CLCC1: variants seen among roughly 807,000 people sequenced by gnomAD.
CLCC1 encodes the protein chloride channel CLIC-like protein 1.
CLCC1 carries 39 observed loss-of-function variants against 63.3 expected under a neutral mutation model. The ratio of observed to expected loss-of-function variants is 0.62; its 90% CI spans 0.48 to 0.81. The LOEUF (loss-of-function observed/expected upper bound fraction) is 0.81, where lower values mean the gene tolerates loss of function less well. CLCC1 is among the 30% of genes least tolerant of loss of function. The probability of loss-of-function intolerance (pLI) is 0.00; values close to 1 mark genes in which losing one functional copy is unlikely to be tolerated. For missense variants in CLCC1, 549 were observed against 669.4 expected, an observed-to-expected ratio of 0.82 and a Z score of 1.98; for synonymous variants, 217 against 239.8, an observed-to-expected ratio of 0.90 and a Z score of 0.88.
At chr1:108,948,211 T>C (rs1654782741) in intron 4 of CLCC1, among the ~76,000 whole-genome samples, 1 of 152,192 alleles carries the variant, frequency 6.6e-6, no homozygotes, top group Non-Finnish European at 1.5e-5. Context: ...CATATGACTT[T>C]TGGCCTTTTA....
At position 108,943,589 on chromosome 1, in the gene CLCC1, C is replaced by A. The variant is rs1264347311; in HGVS notation, c.588G>T (p.Val196=). The change falls in exon 7 of 13, where the codon GTG becomes GTT. Residue 196 remains valine (V), a synonymous_variant. Transcript: ENST00000369969. ...TCCACAGCTCAGTAGCCACTAAAAC[C>A]ACGATGCAGAGCAGACAAAGAAGTA... The part of the protein sequence containing the change: ...LMVLLCLLCI[V]VLVATELWTY... 6.2e-7 allele frequency: 1 copy of A among 1,612,070 alleles called. No individual in the cohort carries two copies. The highest frequency in any genetic ancestry group is 2.2e-5 in the East Asian group (1 of 44,824).
Position 108,935,080 on chromosome 1 carries a change from A to ATAAT in CLCC1, c.1384-142_1384-139dup, listed in dbSNP as rs1652687720. ...CAAATCCAGGGTCCAGTGCTGGGTT[A>ATAAT]TAATTATATAAATGTTATTATACCT... On this transcript the variant is annotated intron_variant, in intron 11 of 12. Coordinates refer to ENST00000369969, the MANE Select transcript of CLCC1 (RefSeq NM_001377458.1). 4 of 785,694 alleles carry ATAAT rather than the reference A, an allele frequency of 5.1e-6. 1 individual carries two copies. In the South Asian group the frequency reaches 7.7e-5, roughly 15 times the overall value. 48.7% of individuals were successfully genotyped at this position (785,694 alleles called of 1,614,324 possible).
At chr1:108,955,308 TG>T (rs1655744506) in intron 2 of CLCC1, among the ~76,000 whole-genome samples, 1 of 151,244 alleles carries the variant, frequency 6.6e-6, no homozygotes, top group Non-Finnish European at 1.5e-5. Flanking sequence ...AGCAAGACAG[TG>T]GTACATATGG....
chr1:108,931,624 C>T lies in CLCC1; in HGVS notation c.*923G>A. On this transcript the variant is annotated 3_prime_UTR_variant, in exon 13 of 13. Coordinates refer to ENST00000369969, the MANE Select transcript of CLCC1 (RefSeq NM_001377458.1). Reference sequence around the variant, plus strand: ...CCTGGAATTAATTACATTAAGTGCTCAGCTAAAAAAAAAAAAAAAGTTCTA... The same window carrying T: ...CCTGGAATTAATTACATTAAGTGCTTAGCTAAAAAAAAAAAAAAAGTTCTA... 1.9e-6 allele frequency: 2 copies of T among 1,045,580 alleles called. No individual in the cohort carries two copies. The highest frequency in any genetic ancestry group is 1.2e-6 in the Non-Finnish European group (1 of 801,272). 64.8% of individuals were successfully genotyped at this position (1,045,580 alleles called of 1,614,324 possible).
At chr1:108,939,960 C>A in intron 9 of CLCC1, 85 bp downstream of exon 9, 1 of 1,297,432 alleles carries the variant, frequency 7.7e-7, no homozygotes, top group Non-Finnish European at 1.1e-6. Context: ...CGCTTATTAG[C>A]AAAATGACTC....
chr1:108,937,559 C>G, intron 10 of CLCC1, 141 bp from the exon 11 acceptor site: 1 of 718,944 alleles, frequency 1.4e-6, no homozygotes, highest in South Asian at 2.5e-5. Flanking sequence ...GTTAATTTGA[C>G]TTTTTTTCAT....
chr1:108,937,930 A>AC (rs1653258001), intron 10 of CLCC1, among the ~76,000 whole-genome samples: 1 of 151,970 alleles, frequency 6.6e-6, no homozygotes, highest in African/African-American at 2.4e-5. Context: ...TGGCCCAGGG[A>AC]CCCCCGGGGG....
intron 2 of CLCC1, among the ~76,000 whole-genome samples, chr1:108,955,887 T>C (rs1280950350): frequency 3.3e-5 from 5 of 151,504 alleles, no homozygotes; most frequent in South Asian, 2.1e-4. Context: ...AATTACACCA[T>C]AGGCTTCCCT....
At chr1:108,949,134 A>G (rs1366860791) in intron 4 of CLCC1, among the ~76,000 whole-genome samples, 1 of 152,118 alleles carries the variant, frequency 6.6e-6, no homozygotes, top group Non-Finnish European at 1.5e-5. Flanking sequence ...TCTTCAACCC[A>G]TCACTGCCTC....
At chr1:108,949,752 C>T (rs1272883886) in intron 4 of CLCC1, 68 bp downstream of exon 4, 36 of 794,742 alleles carry the variant, frequency 4.5e-5, no homozygotes, top group Non-Finnish European at 7.7e-6. Flanking sequence ...AATTTATCAG[C>T]AGAGACAAGA....
rs1367485545 is a variant in CLCC1 at position 108,929,602 on chromosome 1, G to C, written c.*2945C>G. 1 of 1,100,634 alleles carries C rather than the reference G, an allele frequency of 9.1e-7. No homozygotes were observed. The highest frequency in any genetic ancestry group is 1.4e-6 in the Non-Finnish European group (1 of 720,990). The allele number at this position is 1,100,634 out of a possible 1,614,324, so 68.2% of individuals were successfully genotyped here. A position where few individuals can be genotyped will look rare whatever the true frequency, so the allele number is the denominator to read the frequency against. On this transcript the variant is annotated 3_prime_UTR_variant, in exon 13 of 13. Transcript: ENST00000369969. ...AATTTCTGAGAAGCCCCAAATAAAA[G>C]TTTACAACTGCGTTTTCTTGTTGTG...
intron 5 of CLCC1, among the ~76,000 whole-genome samples, chr1:108,944,789 C>T (rs1412869301): frequency 6.6e-6 from 1 of 152,136 alleles, no homozygotes; most frequent in Non-Finnish European, 1.5e-5. Context: ...GCCACTACGC[C>T]TGGCTAATTT....
intron 2 of CLCC1, among the ~76,000 whole-genome samples, chr1:108,951,087 A>T (rs775348282): frequency 6.6e-6 from 1 of 152,198 alleles, no homozygotes; most frequent in Non-Finnish European, 1.5e-5. Flanking sequence ...TTTTCGTAAT[A>T]GCCAAAAGGT....
chr1:108,938,003 T>G (rs1479196166), intron 10 of CLCC1, among the ~76,000 whole-genome samples: 1 of 152,156 alleles, frequency 6.6e-6, no homozygotes, highest in Non-Finnish European at 1.5e-5. Context: ...GACATTATTA[T>G]TTGTCTTTTT....
chr1:108,950,007 T>C (rs1003940856), intron 3 of CLCC1, 86 bp from the exon 4 acceptor site: 1 of 835,434 alleles, frequency 1.2e-6, no homozygotes, highest in Non-Finnish European at 1.9e-6. Flanking sequence ...GATTCTGACT[T>C]CATCATTTCA....
chr1:108,958,533 TGTC>T (rs1656213855), intron 2 of CLCC1, among the ~76,000 whole-genome samples: 2 of 151,534 alleles, frequency 1.3e-5, no homozygotes, highest in Non-Finnish European at 2.9e-5. Context: ...AATTCAGATA[TGTC>T]AAAGAGAAGC....
chr1:108,946,633 G>A (rs112481535), intron 5 of CLCC1, among the ~76,000 whole-genome samples: 21 of 152,166 alleles, frequency 1.4e-4, no homozygotes, highest in African/African-American at 4.6e-4. Context: ...CTGGCAGGTG[G>A]GGCTAATGGC....
chr1:108,931,627 CT>C lies in CLCC1; in HGVS notation c.*919del. 1 of 1,011,696 alleles carries C rather than the reference CT, an allele frequency of 9.9e-7. No homozygotes were observed. The highest frequency in any genetic ancestry group is 1.3e-6 in the Non-Finnish European group (1 of 786,370). 62.7% of individuals were successfully genotyped at this position (1,011,696 alleles called of 1,614,324 possible). A position where few individuals can be genotyped will look rare whatever the true frequency, so the allele number is the denominator to read the frequency against. ...GGAATTAATTACATTAAGTGCTCAG[CT>C]AAAAAAAAAAAAAAAGTTCTAAATT... On this transcript the variant is annotated 3_prime_UTR_variant, in exon 13 of 13. Coordinates refer to ENST00000369969, the MANE Select transcript of CLCC1 (RefSeq NM_001377458.1).
In CLCC1 at chr1:108,931,628, TA is replaced by T. The variant is rs71593448; in HGVS notation, c.*918del. 138,898 of 796,108 alleles carry T rather than the reference TA, an allele frequency of 0.17. 1 individual carries two copies. Among genetic ancestry groups the T allele is most frequent in the East Asian group, 0.28 (8,080 of 28,664 alleles). The allele number at this position is 796,108 out of a possible 1,614,324, so 49.3% of individuals were successfully genotyped here. ...GAATTAATTACATTAAGTGCTCAGC[TA>T]AAAAAAAAAAAAAAGTTCTAAATTA... is the stretch of plus-strand genomic sequence containing the variant. On this transcript the variant is annotated 3_prime_UTR_variant, in exon 13 of 13. Transcript: ENST00000369969.
Sources: allele counts gnomAD v4.1 joint callset (sites outside exome capture counted in the v4.1 genomes callset), GRCh38; gene constraint gnomAD v4.1.1; transcripts MANE v1.5; gene names NCBI Gene and HGNC (gene_info 2026-07-23, HGNC 2026-07-21).